Variants in CACNA1C observed in about 807,000 individuals in gnomAD.
CACNA1C encodes calcium voltage-gated channel subunit alpha1 C.
Under a neutral mutation model 229.0 loss-of-function variants are expected in CACNA1C, and 30 were observed. The observed-to-expected ratio is 0.13, with a 90% CI of 0.10 to 0.18. The LOEUF is 0.18. CACNA1C is among the 10% of genes least tolerant of loss of function. The probability of loss-of-function intolerance (pLI) is 1.00; values close to 1 mark genes in which losing one functional copy is unlikely to be tolerated. For missense variants in CACNA1C, 1,658 were observed against 2,845.0 expected, an observed-to-expected ratio of 0.58 and a Z score of 9.49; for synonymous variants, 1,114 against 1,132.5, an observed-to-expected ratio of 0.98 and a Z score of 0.33.
chr12:2,686,364 G>C, intron 45 of CACNA1C, 95 bp downstream of exon 45: 1 of 969,056 alleles, frequency 1.0e-6, no homozygotes, highest in Non-Finnish European at 1.7e-6. Context: ...AGTGGGTCTT[G>C]CCTGTCTCAG....
chr12:2,484,765 C>A (rs1053780075), intron 5 of CACNA1C, among the ~76,000 whole-genome samples: 9 of 146,850 alleles, frequency 6.1e-5, no homozygotes, highest in African/African-American at 2.0e-4. Context: ...ACTTTCTTCG[C>A]GGCTCTGCAT....
chr12:2,610,912 G>A (rs1261454937), intron 28 of CACNA1C, among the ~76,000 whole-genome samples: 3 of 152,248 alleles, frequency 2.0e-5, no homozygotes, highest in Admixed American at 6.5e-5. Flanking sequence ...AATGGAGAGA[G>A]GGGAGGAGAT....
At chr12:2,499,410 T>A (rs767211837) in intron 7 of CACNA1C, among the ~76,000 whole-genome samples, 3 of 152,158 alleles carry the variant, frequency 2.0e-5, no homozygotes, top group Non-Finnish European at 4.4e-5. Flanking sequence ...ACAGGAAAGG[T>A]ACACACAGCT....
intron 34 of CACNA1C, chr12:2,660,042 C>A (rs778556026): frequency 1.2e-5 from 2 of 166,538 alleles, no homozygotes; most frequent in Admixed American, 1.1e-4. Flanking sequence ...CCTCAGAAGT[C>A]GCTGGTGCCA....
At position 2,467,342 on chromosome 12, in the gene CACNA1C, C is replaced by T. The variant is rs2154566985; in HGVS notation, c.757+9636C>T. On this transcript the variant is annotated intron_variant, in intron 5 of 46. Coordinates refer to ENST00000399655, the MANE Select transcript of CACNA1C (RefSeq NM_000719.7). This position sits in a 1 kb window ranked among gnomAD's most constrained non-coding sequence, Gnocchi z 4.6. The stretch of plus-strand genomic sequence containing the variant: ...CTGAGGCCAGAGGGCCACATGGCTT[C>T]CTTAAGGTCACAGAGTGACCTGGTG... Among the ~76,000 whole-genome samples the T allele has an allele frequency of 6.6e-6, 1 of 152,330 alleles. No homozygotes were observed. Among genetic ancestry groups the T allele is most frequent in the East Asian group, 1.9e-4 (1 of 5,166 alleles).
intron 3 of CACNA1C, among the ~76,000 whole-genome samples, chr12:2,273,622 CAGA>C (rs933804756): frequency 2.6e-5 from 4 of 152,164 alleles, no homozygotes; most frequent in African/African-American, 9.7e-5. Flanking sequence ...AGAGTGAAAC[CAGA>C]AGAAGAATCT....
At chr12:2,477,087 A>G (rs913838690) in intron 5 of CACNA1C, among the ~76,000 whole-genome samples, 1 of 152,232 alleles carries the variant, frequency 6.6e-6, no homozygotes, top group Non-Finnish European at 1.5e-5. Context: ...GACCATTAAA[A>G]GTGTCTGTTA....
At chr12:2,172,211 G>A (rs1393475611) in intron 3 of CACNA1C, among the ~76,000 whole-genome samples, 2 of 152,206 alleles carry the variant, frequency 1.3e-5, no homozygotes, top group African/African-American at 4.8e-5. Context: ...GCGCAGGGAA[G>A]TAAAGCTCAT....
At chr12:2,284,003 G>A (rs1475524285) in intron 3 of CACNA1C, among the ~76,000 whole-genome samples, 2 of 152,164 alleles carry the variant, frequency 1.3e-5, no homozygotes, top group Non-Finnish European at 2.9e-5. Flanking sequence ...CTTGTCCACT[G>A]AAAACAAAAC....
At chr12:2,545,416 C>T (rs1205874253) in intron 9 of CACNA1C, among the ~76,000 whole-genome samples, 2 of 151,734 alleles carry the variant, frequency 1.3e-5, no homozygotes, top group Non-Finnish European at 2.9e-5. Context: ...CATTATGCTC[C>T]TCATCTTCTT....
At chr12:2,038,450 G>A (rs534045941) in intron 1 of CACNA1C, among the ~76,000 whole-genome samples, 1 of 152,234 alleles carries the variant, frequency 6.6e-6, no homozygotes, top group African/African-American at 2.4e-5. Context: ...AGCTCAGTAA[G>A]CCCTCATTAT....
intron 1 of CACNA1C, among the ~76,000 whole-genome samples, chr12:2,112,145 C>G (rs1448346215): frequency 6.6e-6 from 1 of 152,144 alleles, no homozygotes; most frequent in Non-Finnish European, 1.5e-5. Flanking sequence ...CTCCGTCGCC[C>G]CATTCTGTGA....
At chr12:2,300,704 A>C (rs1314982699) in intron 3 of CACNA1C, among the ~76,000 whole-genome samples, 1 of 152,212 alleles carries the variant, frequency 6.6e-6, no homozygotes, top group Non-Finnish European at 1.5e-5. Context: ...AAGTACAATT[A>C]GCTCCCTTTG....
At chr12:2,175,736 C>G (rs1272006020) in intron 3 of CACNA1C, among the ~76,000 whole-genome samples, 1 of 152,168 alleles carries the variant, frequency 6.6e-6, no homozygotes, top group African/African-American at 2.4e-5. Context: ...TGGAATTCTT[C>G]TATAAAGAAG....
chr12:2,677,932 G>A lies in CACNA1C; in HGVS notation c.5091+65G>A. On this transcript the variant is annotated intron_variant, in intron 41 of 46. Transcript: ENST00000399655. This position sits in a 1 kb window ranked among gnomAD's most constrained non-coding sequence, Gnocchi z 7.4. ...TCAGTTTGGAGCAAGAGGTTGGGCT[G>A]GGGTTTTGCGGGGAACGTCCAGGGG... is the stretch of plus-strand genomic sequence containing the variant. 2 of 1,575,926 alleles carry A rather than the reference G, an allele frequency of 1.3e-6. No individual in the cohort carries two copies. The highest frequency in any genetic ancestry group is 8.7e-7 in the Non-Finnish European group (1 of 1,149,818).
At chr12:2,083,641 C>A (rs1402033641) in intron 1 of CACNA1C, among the ~76,000 whole-genome samples, 1 of 152,206 alleles carries the variant, frequency 6.6e-6, no homozygotes, top group Non-Finnish European at 1.5e-5. Context: ...GAAGAAAATG[C>A]TGTGTAAACT....
chr12:2,366,666 T>A (rs1408484110), intron 3 of CACNA1C, among the ~76,000 whole-genome samples: 3 of 152,162 alleles, frequency 2.0e-5, no homozygotes, highest in Admixed American at 1.3e-4. Flanking sequence ...ATGACAGCAG[T>A]CCCCAACCTT....
At chr12:1,980,838 T>C (rs1184882885) in intron 1 of CACNA1C, among the ~76,000 whole-genome samples, 1 of 152,024 alleles carries the variant, frequency 6.6e-6, no homozygotes, top group African/African-American at 2.4e-5. Context: ...AGATGTGGCC[T>C]GTTTTCATGT....
chr12:2,425,072 TG>T (rs1297475518), intron 3 of CACNA1C, among the ~76,000 whole-genome samples: 1 of 152,274 alleles, frequency 6.6e-6, no homozygotes, highest in Admixed American at 6.5e-5. Context: ...ATGCAGGCCC[TG>T]GCTGTCACAT....
Sources: allele counts gnomAD v4.1 joint callset (sites outside exome capture counted in the v4.1 genomes callset), GRCh38; gene constraint gnomAD v4.1.1; non-coding constraint Gnocchi (gnomAD v3.1); transcripts MANE v1.5; gene names NCBI Gene and HGNC (gene_info 2026-07-23, HGNC 2026-07-21).